IL1RAPL2: variants seen among roughly 807,000 people sequenced by gnomAD.
IL1RAPL2 encodes interleukin 1 receptor accessory protein like 2.
In IL1RAPL2, 3 loss-of-function variants were observed where a neutral mutation model predicts 44.1. The observed-to-expected ratio is 0.07, with a 90% CI of 0.03 to 0.18. The LOEUF is 0.18. Among genes scored for constraint, IL1RAPL2 ranks in the 10% least tolerant of loss-of-function variants. IL1RAPL2 has a pLI of 1.00. For synonymous variants in IL1RAPL2, 181 were observed against 178.8 expected (o/e 1.01, Z -0.10); for missense variants, 391 against 496.4 (o/e 0.79, Z 2.02).
Position 104,671,946 on chromosome X carries a change from T to C in IL1RAPL2, c.82+12951T>C, listed in dbSNP as rs183099148. Among the ~76,000 whole-genome samples, 21 of 111,336 alleles carry C rather than the reference T, an allele frequency of 1.9e-4. No homozygotes were observed. In the East Asian group the frequency reaches 6.0e-3, roughly 32 times the overall value. On this transcript the variant is annotated intron_variant, in intron 2 of 10. Coordinates refer to ENST00000372582, the MANE Select transcript of IL1RAPL2 (RefSeq NM_017416.2). ...TCTATCCTCATCTGCAGAGCCCACATTCACATAGACTTTATAGTTTATAAT... is the reference window on the plus strand; with the variant it reads ...TCTATCCTCATCTGCAGAGCCCACACTCACATAGACTTTATAGTTTATAAT...
intron 2 of IL1RAPL2, among the ~76,000 whole-genome samples, chrX:104,659,571 T>C (rs1930347224): frequency 8.9e-6 from 1 of 112,128 alleles, no homozygotes; most frequent in Admixed American, 9.5e-5. Flanking sequence ...AGCCAGTACA[T>C]AGTCCAGTCA....
At chrX:105,207,721 A>G (rs1305696133) in intron 3 of IL1RAPL2, among the ~76,000 whole-genome samples, 1 of 111,764 alleles carries the variant, frequency 8.9e-6, no homozygotes, top group Non-Finnish European at 1.9e-5. Flanking sequence ...CTTTCTGCCC[A>G]TTACTCCTAT....
intron 2 of IL1RAPL2, among the ~76,000 whole-genome samples, chrX:104,806,074 T>C (rs1334367270): frequency 8.9e-6 from 1 of 112,002 alleles, no homozygotes; most frequent in Non-Finnish European, 1.9e-5. Flanking sequence ...CATTGGCAGC[T>C]TTTAAAAGCT....
chrX:105,104,352 A>AT (rs1453451456), intron 2 of IL1RAPL2, among the ~76,000 whole-genome samples: 1 of 111,696 alleles, frequency 9.0e-6, no homozygotes, highest in Non-Finnish European at 1.9e-5. Flanking sequence ...TTATTTTGTT[A>AT]TTTTTTGTGT....
At chrX:105,441,001 C>G (rs1485691666) in intron 5 of IL1RAPL2, among the ~76,000 whole-genome samples, 1 of 112,080 alleles carries the variant, frequency 8.9e-6, no homozygotes, top group Non-Finnish European at 1.9e-5. Flanking sequence ...CCATGTGGAA[C>G]TGTGAGTCCA....
At chrX:104,610,243 A>G (rs1331983969) in intron 1 of IL1RAPL2, among the ~76,000 whole-genome samples, 2 of 111,007 alleles carry the variant, frequency 1.8e-5, no homozygotes, top group Non-Finnish European at 3.8e-5. Flanking sequence ...GCCCTCTCTC[A>G]CCACTCCTAT....
intron 6 of IL1RAPL2, among the ~76,000 whole-genome samples, chrX:105,560,948 A>G (rs1393596954): frequency 4.5e-5 from 5 of 111,118 alleles, no homozygotes. Context: ...CTATTCAACC[A>G]TAAAAAGAAC....
chrX:105,562,542 CACACACAT>C (rs1227502294), intron 6 of IL1RAPL2, among the ~76,000 whole-genome samples: 86 of 105,395 alleles, frequency 8.2e-4, no homozygotes, highest in African/African-American at 2.8e-3. Flanking sequence ...CACACACACA[CACACACAT>C]ACACACACCA....
intron 1 of IL1RAPL2, among the ~76,000 whole-genome samples, chrX:104,616,864 G>T (rs756957493): frequency 1.8e-5 from 2 of 112,033 alleles, no homozygotes; most frequent in African/African-American, 6.5e-5. Flanking sequence ...CCGGCTCTGC[G>T]TGAATTACCC....
intron 2 of IL1RAPL2, among the ~76,000 whole-genome samples, chrX:104,967,637 C>T (rs2030152059): frequency 9.1e-6 from 1 of 110,420 alleles, no homozygotes; most frequent in African/African-American, 3.3e-5. Context: ...AATAGACAAA[C>T]CCTTGGCAAT....
At chrX:104,748,555 C>T (rs1052567767) in intron 2 of IL1RAPL2, among the ~76,000 whole-genome samples, 1 of 111,186 alleles carries the variant, frequency 9.0e-6, no homozygotes, top group African/African-American at 3.3e-5. Context: ...GCTTCCACTT[C>T]TTCTTTTAGG....
intron 2 of IL1RAPL2, among the ~76,000 whole-genome samples, chrX:104,879,740 C>G (rs776361386): frequency 8.0e-5 from 9 of 111,856 alleles, no homozygotes; most frequent in South Asian, 7.4e-4. Context: ...ACTTCATCCT[C>G]TACATAGGTA....
intron 5 of IL1RAPL2, among the ~76,000 whole-genome samples, chrX:105,371,738 T>G (rs2035342317): frequency 8.9e-6 from 1 of 112,366 alleles, no homozygotes; most frequent in South Asian, 3.6e-4. Flanking sequence ...ACTTTTATAG[T>G]AAACTGAGAG....
intron 2 of IL1RAPL2, among the ~76,000 whole-genome samples, chrX:105,027,059 A>G (rs1052904372): frequency 1.8e-5 from 2 of 111,579 alleles, no homozygotes; most frequent in African/African-American, 6.5e-5. Context: ...AGATGCCAAA[A>G]GCATACACTG....
At chrX:104,866,642 G>A (rs1490384224) in intron 2 of IL1RAPL2, among the ~76,000 whole-genome samples, 1 of 112,018 alleles carries the variant, frequency 8.9e-6, no homozygotes, top group Non-Finnish European at 1.9e-5. Context: ...AAAGTTTGTG[G>A]ATGCCGGTAT....
chrX:105,284,338 C>T (rs2034554850), intron 5 of IL1RAPL2, among the ~76,000 whole-genome samples: 1 of 112,239 alleles, frequency 8.9e-6, no homozygotes, highest in African/African-American at 3.2e-5. Flanking sequence ...TCTCTTACAA[C>T]CCAAGGAACA....
chrX:104,884,194 G>T (rs928178339), intron 2 of IL1RAPL2, among the ~76,000 whole-genome samples: 10 of 111,268 alleles, frequency 9.0e-5, no homozygotes, highest in African/African-American at 3.0e-4. Flanking sequence ...AGGAGGACAG[G>T]CAAGGGTGCA....
At chrX:104,913,382 G>T (rs923692331) in intron 2 of IL1RAPL2, among the ~76,000 whole-genome samples, 40 of 111,360 alleles carry the variant, frequency 3.6e-4, no homozygotes, top group Middle Eastern at 4.6e-3. Context: ...ATTTCACAAG[G>T]TTTCATCAAA....
At chrX:105,195,157 G>T (rs2033663218) in intron 2 of IL1RAPL2, among the ~76,000 whole-genome samples, 1 of 108,939 alleles carries the variant, frequency 9.2e-6, no homozygotes, top group Admixed American at 9.9e-5. Flanking sequence ...TGGCTACTCT[G>T]CTGGAATTAG....
Sources: allele counts gnomAD v4.1 joint callset (sites outside exome capture counted in the v4.1 genomes callset), GRCh38; gene constraint gnomAD v4.1.1; transcripts MANE v1.5; gene names NCBI Gene and HGNC (gene_info 2026-07-23, HGNC 2026-07-21).